DNAH10: variants seen among roughly 807,000 people sequenced by gnomAD.
DNAH10 encodes the protein dynein axonemal heavy chain 10, also known as axonemal beta dynein heavy chain 10.
Under a neutral mutation model 506.6 loss-of-function variants are expected in DNAH10, and 348 were observed. The observed-to-expected ratio is 0.69, with a 90% CI of 0.63 to 0.75. The LOEUF (loss-of-function observed/expected upper bound fraction) is 0.75. Among genes scored for constraint, DNAH10 ranks in the 30% least tolerant of loss-of-function variants. The probability of loss-of-function intolerance (pLI) is 0.00; values close to 1 mark genes in which losing one functional copy is unlikely to be tolerated. For synonymous variants in DNAH10, 2,059 were observed against 2,198.6 expected, an observed-to-expected ratio of 0.94 and a Z score of 1.78; for missense variants, 5,179 against 5,787.1, an observed-to-expected ratio of 0.89 and a Z score of 3.41.
At position 123,925,109 on chromosome 12, in the gene DNAH10, C is replaced by T; in HGVS notation, c.11826C>T (p.Ile3942=). The stretch of plus-strand genomic sequence containing the variant: ...TCCCCTTGGGTTACGATAACAACAT[C>T]ACCCCTTTCCAGAAGTTGCTTATTT... The part of the protein sequence containing the change: ...FPVPLGYDNN[I]TPFQKLLILR... The change falls in exon 68 of 79, where the codon ATC becomes ATT. Residue 3942 remains isoleucine (I), a synonymous_variant. Transcript: ENST00000673944. This position sits in a 1 kb window ranked among gnomAD's most constrained non-coding sequence, Gnocchi z 4.0. The T allele has an allele frequency of 6.2e-7, 1 of 1,614,036 alleles. No individual in the cohort carries two copies. The highest frequency in any genetic ancestry group is 8.5e-7 in the Non-Finnish European group (1 of 1,179,896).
intron 1 of DNAH10, among the ~76,000 whole-genome samples, chr12:123,767,009 G>T (rs1194383065): frequency 6.6e-6 from 1 of 151,042 alleles, no homozygotes; most frequent in Non-Finnish European, 1.5e-5. Context: ...GGGCTCAAGT[G>T]ATTCTCCTGC....
intron 12 of DNAH10, among the ~76,000 whole-genome samples, chr12:123,795,727 C>T (rs144076071): frequency 6.6e-6 from 1 of 152,184 alleles, no homozygotes; most frequent in Non-Finnish European, 1.5e-5. Context: ...ACGTGGACAT[C>T]TTTGGGAGGC....
At position 123,863,296 on chromosome 12, in the gene DNAH10, C is replaced by T. The variant is rs566173539; in HGVS notation, c.6909-1299C>T. Among the ~76,000 whole-genome samples the T allele has an allele frequency of 7.2e-5, 11 of 152,246 alleles. No homozygotes were observed. In the South Asian group the frequency reaches 1.9e-3, roughly 26 times the overall value. On this transcript the variant is annotated intron_variant, in intron 39 of 78. Coordinates refer to ENST00000673944, the MANE Select transcript of DNAH10 (RefSeq NM_001372106.1). ...TGAGGCCTTGGACGTAGACGTGCTGCCAGGACACATGGTGTGTAACCCAGG... is the reference window on the plus strand; with the variant it reads ...TGAGGCCTTGGACGTAGACGTGCTGTCAGGACACATGGTGTGTAACCCAGG...
Position 123,846,282 on chromosome 12 carries a change from C to G in DNAH10, c.5814+128C>G, listed in dbSNP as rs772743527. ...ATCATTGCTTTGAAATCTCGAAAAG[C>G]TTTTCCATTTGGGATGTGACCAGAT... On this transcript the variant is annotated intron_variant, in intron 32 of 78. Transcript: ENST00000673944. This position sits in a 1 kb window ranked among gnomAD's most constrained non-coding sequence, Gnocchi z 4.5. 347 of 1,260,912 alleles carry G rather than the reference C, an allele frequency of 2.8e-4. No individual in the cohort carries two copies. The highest frequency in any genetic ancestry group is 3.6e-4 in the Non-Finnish European group (335 of 940,630). 78.1% of individuals were successfully genotyped at this position (1,260,912 alleles called of 1,614,324 possible). A position where few individuals can be genotyped will look rare whatever the true frequency, so the allele number is the denominator to read the frequency against.
chr12:123,868,151 C>G (rs1187549804), intron 43 of DNAH10, 32 bp downstream of exon 43: 2 of 1,574,190 alleles, frequency 1.3e-6, no homozygotes, highest in Non-Finnish European at 1.7e-6. Context: ...TTTCCCTGCT[C>G]TGAGTGCCTT....
chr12:123,870,563 A>G (rs1951990597), intron 44 of DNAH10, 78 bp downstream of exon 44: 3 of 1,527,836 alleles, frequency 2.0e-6, no homozygotes, highest in Non-Finnish European at 2.6e-6. Flanking sequence ...AGAAGATCCC[A>G]TGGCTTCTCT....
intron 62 of DNAH10, 86 bp downstream of exon 62, chr12:123,915,085 C>T: frequency 6.9e-7 from 1 of 1,455,022 alleles, no homozygotes; most frequent in Admixed American, 2.6e-5. Context: ...CGTGGCAGTC[C>T]CTAGCCTCAG....
chr12:123,829,272 T>C (rs914309422), intron 25 of DNAH10, among the ~76,000 whole-genome samples: 3 of 152,024 alleles, frequency 2.0e-5, no homozygotes, highest in Non-Finnish European at 4.4e-5. Flanking sequence ...TCACAGGACA[T>C]AGGCACAGAA....
chr12:123,838,578 C>T lies in DNAH10; in HGVS notation c.5025C>T (p.Tyr1675=), dbSNP rs145322154. 1.8e-3 allele frequency: 2,877 copies of T among 1,614,018 alleles called. 8 individuals carry two copies. Among genetic ancestry groups the T allele is most frequent in the Non-Finnish European group, 2.2e-3 (2,609 of 1,179,896 alleles). Residue 1675 remains tyrosine (Y), a synonymous_variant, in exon 29 of 79, where the codon TAC becomes TAT. Coordinates refer to ENST00000673944, the MANE Select transcript of DNAH10 (RefSeq NM_001372106.1). ...AATGCCAGAAAAGCCTCAACGACTA[C>T]TTAGATTCGAAGAGAAATGCTTTCC... ...LEKCQKSLND[Y]LDSKRNAFPR...
Position 123,856,922 on chromosome 12 carries a change from TAAA to T in DNAH10, c.6439-131_6439-129del, listed in dbSNP as rs1951415375. The T allele has an allele frequency of 8.1e-6, 4 of 494,406 alleles. No individual in the cohort carries two copies. In the East Asian group the frequency reaches 1.6e-4, roughly 20 times the overall value. 30.6% of individuals were successfully genotyped at this position (494,406 alleles called of 1,614,324 possible). On this transcript the variant is annotated intron_variant, in intron 36 of 78. Transcript: ENST00000673944. ...TAATTTTAAATGTGTATAAAATTGT[TAAA>T]AATAATAAAATGTTTATATAAAAAT... is the stretch of plus-strand genomic sequence containing the variant.
rs1480990732 is a variant in DNAH10 at position 123,909,024 on chromosome 12, G to A, written c.9816-237G>A. Among the ~76,000 whole-genome samples the A allele has an allele frequency of 2.0e-5, 3 of 152,112 alleles. No homozygotes were observed. The highest frequency in any genetic ancestry group is 4.4e-5 in the Non-Finnish European group (3 of 68,012). ...CGGCCTGGGTTTGTATTTTAATGCT[G>A]CCCCCGCACCATTCCAGGCGCCTGG... On this transcript the variant is annotated intron_variant, in intron 57 of 78. Coordinates refer to ENST00000673944, the MANE Select transcript of DNAH10 (RefSeq NM_001372106.1). The surrounding 1 kb of genome is among the most constrained non-coding windows in gnomAD (Gnocchi z 5.4).
At chr12:123,839,065 C>T (rs533330530) in intron 29 of DNAH10, among the ~76,000 whole-genome samples, 16 of 152,234 alleles carry the variant, frequency 1.1e-4, no homozygotes, top group African/African-American at 3.1e-4. Context: ...GCTCCCACCT[C>T]GGCCTCCCAA....
Position 123,803,950 on chromosome 12 carries a change from A to C in DNAH10, c.2779+125A>C, listed in dbSNP as rs762762842. The C allele has an allele frequency of 1.1e-3, 951 of 878,166 alleles. 5 individuals carry two copies. Among genetic ancestry groups the C allele is most frequent in the Non-Finnish European group, 2.8e-4 (166 of 602,590 alleles). 54.4% of individuals were successfully genotyped at this position (878,166 alleles called of 1,614,324 possible). ...TTTGTATGTTCCATGAATGGCATCA[A>C]ACCATTTCTAATGCTCTCAGTCATT... On this transcript the variant is annotated intron_variant, in intron 17 of 78. Coordinates refer to ENST00000673944, the MANE Select transcript of DNAH10 (RefSeq NM_001372106.1).
chr12:123,770,612 G>C (rs1566314410), intron 2 of DNAH10, among the ~76,000 whole-genome samples: 2 of 150,916 alleles, frequency 1.3e-5, no homozygotes, highest in Non-Finnish European at 2.9e-5. Flanking sequence ...CTGTCATTTA[G>C]TCCTCCAGAA....
At chr12:123,827,091 A>G (rs944536251) in intron 25 of DNAH10, among the ~76,000 whole-genome samples, 193 bp downstream of exon 25, 1 of 151,554 alleles carries the variant, frequency 6.6e-6, no homozygotes, top group Non-Finnish European at 1.5e-5. Flanking sequence ...TGTCAACCAC[A>G]GGATTCTTTT....
intron 24 of DNAH10, among the ~76,000 whole-genome samples, chr12:123,823,811 TCACC>T (rs1959683852): frequency 6.6e-6 from 1 of 152,196 alleles, no homozygotes; most frequent in African/African-American, 2.4e-5. Context: ...TTGACTATAG[TCACC>T]CTGCCATGCT....
Position 123,875,217 on chromosome 12 carries a change from T to A in DNAH10, c.7939-14T>A, listed in dbSNP as rs201332089. The A allele has an allele frequency of 1.7e-4, 278 of 1,595,714 alleles. 1 individual carries two copies. In the African/African-American group the frequency reaches 2.7e-3, roughly 16 times the overall value. On this transcript the variant is annotated splice_polypyrimidine_tract_variant and intron_variant, in intron 46 of 78. Transcript: ENST00000673944. The stretch of plus-strand genomic sequence containing the variant: ...GATACTACTGTTCTCTTTTCTTTTT[T>A]AAAAAAAATCAAGGTGGATGAATAT...
chr12:123,768,063 A>G (rs915624826), intron 2 of DNAH10, among the ~76,000 whole-genome samples: 18 of 151,714 alleles, frequency 1.2e-4, no homozygotes, highest in African/African-American at 4.1e-4. Context: ...CAGTCTCTAC[A>G]TCCATCGTCA....
At chr12:123,856,949 A>G in intron 36 of DNAH10, 107 bp from the exon 37 acceptor site, 2 of 671,304 alleles carry the variant, frequency 3.0e-6, no homozygotes, top group Non-Finnish European at 4.3e-6. Context: ...TTATATAAAA[A>G]TTATATTTTA....
Sources: gnomAD v4.1 joint callset for allele counts (sites outside exome capture counted in the v4.1 genomes callset) on GRCh38, gnomAD v4.1.1 for gene constraint, Gnocchi (gnomAD v3.1) non-coding constraint, MANE v1.5 for transcripts, NCBI Gene and HGNC (gene_info 2026-07-23, HGNC 2026-07-21) for gene names.